ZDHHC21: variants seen among roughly 807,000 people sequenced by gnomAD.
ZDHHC21 encodes zDHHC palmitoyltransferase 21.
Under a neutral mutation model 34.6 loss-of-function variants are expected in ZDHHC21, and 15 were observed. That is an observed-to-expected ratio of 0.43 (90% CI 0.29 to 0.67). The LOEUF is 0.67. Among genes scored for constraint, ZDHHC21 ranks in the 30% least tolerant of loss-of-function variants. The pLI, the probability that ZDHHC21 is intolerant of heterozygous loss-of-function variation, is 0.14. For missense variants in ZDHHC21, 344 were observed against 327.7 expected (o/e 1.05, Z -0.38); for synonymous variants, 142 against 101.8 (o/e 1.40, Z -2.38).
chr9:14,684,882 C>A (rs1429166235), intron 2 of ZDHHC21, among the ~76,000 whole-genome samples: 1 of 152,084 alleles, frequency 6.6e-6, no homozygotes, highest in Admixed American at 6.6e-5. Flanking sequence ...AGAACAGAGC[C>A]CCCAGAAATA....
chr9:14,649,298 T>A (rs749406646), intron 7 of ZDHHC21, among the ~76,000 whole-genome samples: 8 of 152,024 alleles, frequency 5.3e-5, no homozygotes, highest in Non-Finnish European at 7.4e-5. Context: ...ACAGCTTAGA[T>A]CACATCTGAG....
intron 7 of ZDHHC21, among the ~76,000 whole-genome samples, chr9:14,643,721 G>C (rs980874162): frequency 6.6e-6 from 1 of 152,178 alleles, no homozygotes; most frequent in African/African-American, 2.4e-5. Context: ...CACAGTGAAA[G>C]ATAGGAATCT....
chr9:14,628,176 T>C (rs566302577), intron 8 of ZDHHC21, among the ~76,000 whole-genome samples: 2 of 152,302 alleles, frequency 1.3e-5, no homozygotes, highest in East Asian at 1.9e-4. Flanking sequence ...TCTGGTTGTG[T>C]TGAAATCTTT....
At chr9:14,661,034 C>T (rs904320861) in intron 6 of ZDHHC21, among the ~76,000 whole-genome samples, 1 of 152,056 alleles carries the variant, frequency 6.6e-6, no homozygotes, top group African/African-American at 2.4e-5. Context: ...TCTTTATTCC[C>T]AAGTAATTCC....
chr9:14,636,359 A>G (rs991606962), intron 8 of ZDHHC21, among the ~76,000 whole-genome samples: 1 of 152,218 alleles, frequency 6.6e-6, no homozygotes, highest in African/African-American at 2.4e-5. Context: ...GTAAGAAGAT[A>G]TAACAACTCT....
chr9:14,624,348 G>T (rs373580707), intron 8 of ZDHHC21, among the ~76,000 whole-genome samples: 1 of 151,950 alleles, frequency 6.6e-6, no homozygotes, highest in East Asian at 1.9e-4. Context: ...ATATTCAAAG[G>T]AATAAAATCA....
At chr9:14,675,581 A>G (rs1470705189) in intron 3 of ZDHHC21, among the ~76,000 whole-genome samples, 1 of 151,934 alleles carries the variant, frequency 6.6e-6, no homozygotes, top group Non-Finnish European at 1.5e-5. Context: ...AATGAGTTGA[A>G]CTCACTTAGT....
intron 8 of ZDHHC21, among the ~76,000 whole-genome samples, chr9:14,624,475 C>G (rs1239368938): frequency 6.6e-6 from 1 of 152,066 alleles, no homozygotes; most frequent in Non-Finnish European, 1.5e-5. Flanking sequence ...CAATGGAATA[C>G]TAATCGGCCA....
rs1824047831 is a variant in ZDHHC21 at position 14,615,768 on chromosome 9, T to A, written c.*3198A>T. ...TGTTAAGGAGGTGTAACTTACAGTATCTAGGTAAAAACCTTTCATTTCCAG... is the reference window on the plus strand; with the variant it reads ...TGTTAAGGAGGTGTAACTTACAGTAACTAGGTAAAAACCTTTCATTTCCAG... On this transcript the variant is annotated 3_prime_UTR_variant, in exon 10 of 10. Coordinates refer to ENST00000380916, the MANE Select transcript of ZDHHC21 (RefSeq NM_178566.6). 1 of 151,702 alleles carries A rather than the reference T, an allele frequency of 6.6e-6. No homozygotes were observed. The allele number at this position is 151,702 out of a possible 1,614,324, so 9.4% of individuals were successfully genotyped here.
At chr9:14,681,359 A>G (rs1472886525) in intron 2 of ZDHHC21, among the ~76,000 whole-genome samples, 1 of 152,110 alleles carries the variant, frequency 6.6e-6, no homozygotes, top group East Asian at 1.9e-4. Context: ...CACTGGCACT[A>G]CAGCTGGGTA....
At chr9:14,590,623 C>G in the ZDHHC21 span, among the ~76,000 whole-genome samples, 22 of 152,178 alleles carry the variant, frequency 1.4e-4, no homozygotes, top group South Asian at 4.6e-3. Flanking sequence ...ACAAACTCCA[C>G]CAACCTCAAA....
At chr9:14,666,690 G>C (rs1170364211) in intron 5 of ZDHHC21, among the ~76,000 whole-genome samples, 1 of 103,346 alleles carries the variant, frequency 9.7e-6, no homozygotes, top group African/African-American at 3.2e-5. Context: ...TCAGGATTAA[G>C]AATCCCACTC....
chr9:14,630,981 GC>G (rs1346560717), intron 8 of ZDHHC21, among the ~76,000 whole-genome samples: 1 of 152,174 alleles, frequency 6.6e-6, no homozygotes, highest in African/African-American at 2.4e-5. Flanking sequence ...TTTTGGAATG[GC>G]AAATGAGCAC....
At chr9:14,601,248 C>A in the ZDHHC21 span, among the ~76,000 whole-genome samples, 1 of 152,046 alleles carries the variant, frequency 6.6e-6, no homozygotes, top group Non-Finnish European at 1.5e-5. Flanking sequence ...TGCAATCTAC[C>A]CATCTGACAA....
At chr9:14,637,257 T>C (rs1053181243) in intron 8 of ZDHHC21, among the ~76,000 whole-genome samples, 1 of 151,888 alleles carries the variant, frequency 6.6e-6, no homozygotes, top group African/African-American at 2.4e-5. Flanking sequence ...TTATCAAAGA[T>C]TATTATGAAC....
intron 2 of ZDHHC21, among the ~76,000 whole-genome samples, 177 bp downstream of exon 2, chr9:14,690,160 G>T (rs1251276543): frequency 6.6e-6 from 1 of 152,132 alleles, no homozygotes; most frequent in Non-Finnish European, 1.5e-5. Flanking sequence ...TATGAATCAA[G>T]TATGTTCTTC....
At chr9:14,685,655 A>G (rs551416174) in intron 2 of ZDHHC21, among the ~76,000 whole-genome samples, 99 of 152,332 alleles carry the variant, frequency 6.5e-4, no homozygotes, top group African/African-American at 2.3e-3. Flanking sequence ...GCGATTCCTC[A>G]AGGATCTAGA....
intron 5 of ZDHHC21, among the ~76,000 whole-genome samples, chr9:14,669,499 C>CT (rs1332366748): frequency 6.6e-6 from 1 of 151,558 alleles, no homozygotes; most frequent in Non-Finnish European, 1.5e-5. Context: ...CATCCCATTA[C>CT]TGGGTATATA....
chr9:14,643,885 T>C (rs1371875247), intron 7 of ZDHHC21, among the ~76,000 whole-genome samples: 1 of 152,198 alleles, frequency 6.6e-6, no homozygotes, highest in Non-Finnish European at 1.5e-5. Flanking sequence ...CGGTGACAAA[T>C]GTCTTAGTTA....
Sources: gnomAD v4.1 joint callset for allele counts (sites outside exome capture counted in the v4.1 genomes callset) on GRCh38, gnomAD v4.1.1 for gene constraint, MANE v1.5 for transcripts, NCBI Gene and HGNC (gene_info 2026-07-23, HGNC 2026-07-21) for gene names.